Variants in SLC6A20 observed in about 807,000 individuals in gnomAD.
SLC6A20 encodes solute carrier family 6 member 20, also known as sodium- and chloride-dependent transporter XTRP3.
Under a neutral mutation model 64.3 loss-of-function variants are expected in SLC6A20, and 73 were observed. That is an observed-to-expected ratio of 1.14 (90% CI 0.94 to 1.38). The LOEUF is 1.38. Ranked by LOEUF, SLC6A20 falls within the 40% of genes most tolerant of loss-of-function variation. The probability of loss-of-function intolerance (pLI) is 0.00; values close to 1 mark genes in which losing one functional copy is unlikely to be tolerated. For missense variants in SLC6A20, 725 were observed against 772.8 expected (o/e 0.94, Z 0.73); for synonymous variants, 347 against 329.6 (o/e 1.05, Z -0.57).
chr3:45,762,829 T>C (rs1699706604), intron 9 of SLC6A20, 84 bp downstream of exon 9: 6 of 1,547,516 alleles, frequency 3.9e-6, no homozygotes, highest in Non-Finnish European at 5.3e-6. Flanking sequence ...AAGATGTGCA[T>C]CAAGAAACAG....
intron 9 of SLC6A20, among the ~76,000 whole-genome samples, chr3:45,761,112 T>C (rs953391189): frequency 3.3e-5 from 5 of 152,164 alleles, no homozygotes; most frequent in African/African-American, 1.2e-4. Flanking sequence ...GTAGTTGGAC[T>C]CTAGGCTGCA....
Position 45,796,453 on chromosome 3 carries a change from G to C in SLC6A20, c.-34C>G, listed in dbSNP as rs1177384136. The C allele has an allele frequency of 9.4e-6, 15 of 1,599,068 alleles. No homozygotes were observed. The African/African-American group carries it at 1.1e-4, about 12-fold the overall frequency. ...CCTCGGCGCGCTCGGCTCCGGCTCG[G>C]GGGTCCGGCACGGCAGTCTCAGTGC... On this transcript the variant is annotated 5_prime_UTR_variant, in exon 1 of 11. Coordinates refer to ENST00000358525, the MANE Select transcript of SLC6A20 (RefSeq NM_020208.4).
intron 1 of SLC6A20, among the ~76,000 whole-genome samples, chr3:45,783,389 A>G (rs1485461894): frequency 1.3e-5 from 2 of 152,258 alleles, no homozygotes; most frequent in African/African-American, 4.8e-5. Context: ...AATATTTACC[A>G]AAAATGTCTC....
intron 7 of SLC6A20, among the ~76,000 whole-genome samples, chr3:45,767,396 AAT>A (rs1699795087): frequency 6.6e-6 from 1 of 152,372 alleles, no homozygotes; most frequent in East Asian, 1.9e-4. Context: ...CTATATAAAA[AAT>A]ATAGTTATTG....
In SLC6A20 at chr3:45,758,850, ATCT is replaced by A. The variant is rs1279162907; in HGVS notation, c.*125_*127del. Reference sequence around the variant, plus strand: ...AGTTTTCTTCCTGCACACCTTCCTCATCTTCTTTAGACACTCAGGAAGTTGATG... The same window carrying A: ...AGTTTTCTTCCTGCACACCTTCCTCATCTTTAGACACTCAGGAAGTTGATG... On this transcript the variant is annotated 3_prime_UTR_variant, in exon 11 of 11. Coordinates refer to ENST00000358525, the MANE Select transcript of SLC6A20 (RefSeq NM_020208.4). The A allele has an allele frequency of 7.2e-7, 1 of 1,382,792 alleles. No individual in the cohort carries two copies. Among genetic ancestry groups the A allele is most frequent in the Non-Finnish European group, 9.4e-7 (1 of 1,064,734 alleles). The allele number at this position is 1,382,792 out of a possible 1,614,324, so 85.7% of individuals were successfully genotyped here. A position where few individuals can be genotyped will look rare whatever the true frequency, so the allele number is the denominator to read the frequency against.
rs749544421 is a variant in SLC6A20, at chr3:45,782,136, C to T, written c.209G>A (p.Arg70Gln). 4.2e-5 allele frequency: 68 copies of T among 1,613,580 alleles called. No individual in the cohort carries two copies. Among genetic ancestry groups the T allele is most frequent in the Admixed American group, 3.3e-5 (2 of 59,960 alleles). Reference sequence around the variant, plus strand: ...CCTCCAGGCGCCGATGCTGCCCTGCCGCATGCGCTGCCCCACAGCCAGTTC... The same window carrying T: ...CCTCCAGGCGCCGATGCTGCCCTGCTGCATGCGCTGCCCCACAGCCAGTTC... ...YLELAVGQRM[R>Q]QGSIGAWRTI... The change falls in exon 2 of 11, where the codon CGG becomes CAG. Residue 70 changes from arginine to glutamine, a missense_variant. By Grantham distance (43) the Arg-to-Gln change is conservative. Transcript: ENST00000358525.
At chr3:45,786,604 G>A (rs531578794) in intron 1 of SLC6A20, among the ~76,000 whole-genome samples, 1 of 152,344 alleles carries the variant, frequency 6.6e-6, no homozygotes, top group East Asian at 1.9e-4. Context: ...TCTGCTGAGA[G>A]TTACTATTCT....
chr3:45,781,095 C>T (rs375429290), intron 2 of SLC6A20, among the ~76,000 whole-genome samples: 3 of 152,110 alleles, frequency 2.0e-5, no homozygotes, highest in East Asian at 3.9e-4. Context: ...GTGGCGGGTG[C>T]CTGTAATTCC....
Position 45,775,872 on chromosome 3 carries a change from C to A in SLC6A20, c.471G>T (p.Ser157=). The change falls in exon 4 of 11, where the codon TCG becomes TCT. Residue 157 remains serine, a synonymous_variant. Coordinates refer to ENST00000358525, the MANE Select transcript of SLC6A20 (RefSeq NM_020208.4). ...YFWYRKTLNI[S]PSLQENGGVQ... Reference sequence around the variant, plus strand: ...CACCCCCGTTCTCCTGGAGGGACGGCGAGATATTGAGGGTTTTCCTGTACC... The same window carrying A: ...CACCCCCGTTCTCCTGGAGGGACGGAGAGATATTGAGGGTTTTCCTGTACC... The A allele has an allele frequency of 6.2e-7, 1 of 1,614,198 alleles. No homozygotes were observed. Among genetic ancestry groups the A allele is most frequent in the Non-Finnish European group, 8.5e-7 (1 of 1,180,036 alleles).
intron 10 of SLC6A20, 81 bp from the exon 11 acceptor site, chr3:45,759,208 G>GGTGAT (rs1699616434): frequency 7.0e-7 from 1 of 1,437,578 alleles, no homozygotes; most frequent in Non-Finnish European, 9.3e-7. Flanking sequence ...GTGATGGGGA[G>GGTGAT]GTGATGTGAC....
At position 45,756,802 on chromosome 3, in the gene SLC6A20, A is replaced by G. The variant is rs886058529; in HGVS notation, c.*2176T>C. The G allele has an allele frequency of 1.3e-5, 2 of 152,244 alleles. No individual in the cohort carries two copies. The highest frequency in any genetic ancestry group is 2.4e-5 in the African/African-American group (1 of 41,464). 9.4% of individuals were successfully genotyped at this position (152,244 alleles called of 1,614,324 possible). A position where few individuals can be genotyped will look rare whatever the true frequency, so the allele number is the denominator to read the frequency against. On this transcript the variant is annotated 3_prime_UTR_variant, in exon 11 of 11. Transcript: ENST00000358525. ...AAGAAAAATTTTTTTGAGAAAAGAA[A>G]TAAGACACAGAGACAAAGTATAGAG...
chr3:45,762,716 T>C (rs1699704792), intron 9 of SLC6A20, among the ~76,000 whole-genome samples, 197 bp downstream of exon 9: 1 of 152,146 alleles, frequency 6.6e-6, no homozygotes, highest in African/African-American at 2.4e-5. Context: ...GAAAAAGATA[T>C]TCACTGAAGC....
In SLC6A20 at chr3:45,765,481, C is replaced by G; in HGVS notation, c.1303+56G>C. 6.4e-7 allele frequency: 1 copy of G among 1,559,484 alleles called. No individual in the cohort carries two copies. The highest frequency in any genetic ancestry group is 8.7e-7 in the Non-Finnish European group (1 of 1,151,538). ...CCCTGAGGGAGCTCTCCCCTGTTCA[C>G]CCCCACGCCTTGGCCCTCCTGACCC... On this transcript the variant is annotated intron_variant, in intron 8 of 10. Transcript: ENST00000358525. The surrounding 1 kb of genome is among the most constrained non-coding windows in gnomAD (Gnocchi z 4.2).
intron 1 of SLC6A20, among the ~76,000 whole-genome samples, chr3:45,787,265 C>T (rs1380390469): frequency 6.6e-6 from 1 of 152,176 alleles, no homozygotes; most frequent in Non-Finnish European, 1.5e-5. Flanking sequence ...CTGGCCTCAG[C>T]ACCTTGGTTC....
At chr3:45,774,886 C>G (rs1699937859) in intron 4 of SLC6A20, among the ~76,000 whole-genome samples, 1 of 152,174 alleles carries the variant, frequency 6.6e-6, no homozygotes, top group African/African-American at 2.4e-5. Flanking sequence ...GTCAATTTAC[C>G]TCTCTAAGCT....
intron 1 of SLC6A20, among the ~76,000 whole-genome samples, chr3:45,789,766 A>G (rs539144694): frequency 5.3e-5 from 8 of 152,170 alleles, no homozygotes; most frequent in African/African-American, 1.9e-4. Flanking sequence ...TAACTTTTAT[A>G]TTTTTAGTAG....
At chr3:45,786,608 C>A (rs1473713017) in intron 1 of SLC6A20, among the ~76,000 whole-genome samples, 5 of 152,240 alleles carry the variant, frequency 3.3e-5, no homozygotes, top group Non-Finnish European at 7.3e-5. Flanking sequence ...CTGAGAGTTA[C>A]TATTCTCCCC....
In SLC6A20 at chr3:45,765,861, T is replaced by C. The variant is rs749031622; in HGVS notation, c.1099-120A>G. The C allele has an allele frequency of 3.7e-5, 39 of 1,065,674 alleles. No individual in the cohort carries two copies. The highest frequency in any genetic ancestry group is 4.9e-5 in the Non-Finnish European group (36 of 729,400). The allele number at this position is 1,065,674 out of a possible 1,614,324, so 66.0% of individuals were successfully genotyped here. A position where few individuals can be genotyped will look rare whatever the true frequency, so the allele number is the denominator to read the frequency against. On this transcript the variant is annotated intron_variant, in intron 7 of 10. Coordinates refer to ENST00000358525, the MANE Select transcript of SLC6A20 (RefSeq NM_020208.4). The surrounding 1 kb of genome is among the most constrained non-coding windows in gnomAD (Gnocchi z 4.2). ...GGCCATGAGAAGCCACATTGTGAGG[T>C]TGGAGCTTCCATCTGCAGATCAACC...
intron 7 of SLC6A20, among the ~76,000 whole-genome samples, chr3:45,769,813 A>G (rs564833518): frequency 1.3e-5 from 2 of 152,338 alleles, no homozygotes; most frequent in Admixed American, 6.5e-5. Context: ...GTAGGGAAAA[A>G]AAGGGGGACT....
Sources: allele counts gnomAD v4.1 joint callset (sites outside exome capture counted in the v4.1 genomes callset), GRCh38; gene constraint gnomAD v4.1.1; non-coding constraint Gnocchi (gnomAD v3.1); transcripts MANE v1.5; gene names NCBI Gene and HGNC (gene_info 2026-07-23, HGNC 2026-07-21).